Variants in ALK observed in about 807,000 individuals in gnomAD.
ALK encodes ALK tyrosine kinase receptor.
A neutral mutation model predicts 163.1 loss-of-function variants in ALK; 74 were observed. The observed-to-expected ratio is 0.45, with a 90% CI of 0.38 to 0.55. The LOEUF (loss-of-function observed/expected upper bound fraction) is 0.55, where lower values mean the gene tolerates loss of function less well. Among genes scored for constraint, ALK ranks in the 20% least tolerant of loss-of-function variants. ALK has a pLI of 0.00. For missense variants in ALK, 2,063 were observed against 2,105.3 expected, an observed-to-expected ratio of 0.98 and a Z score of 0.39; for synonymous variants, 960 against 843.2, an observed-to-expected ratio of 1.14 and a Z score of -2.40.
chr2:29,895,109 C>T (rs113569023), intron 1 of ALK, among the ~76,000 whole-genome samples: 11 of 152,312 alleles, frequency 7.2e-5, no homozygotes, highest in African/African-American at 2.6e-4. Context: ...GGTCTTAAAA[C>T]TTAATGTAGC....
At chr2:29,769,572 C>T (rs1425899953) in intron 1 of ALK, among the ~76,000 whole-genome samples, 2 of 152,144 alleles carry the variant, frequency 1.3e-5, no homozygotes, top group Admixed American at 6.5e-5. Flanking sequence ...CTGAACAGAC[C>T]TCAGGGTAGT....
chr2:29,271,498 G>A (rs1055941435), intron 11 of ALK, among the ~76,000 whole-genome samples: 3 of 152,198 alleles, frequency 2.0e-5, no homozygotes, highest in Non-Finnish European at 2.9e-5. Context: ...TGATGGTATC[G>A]CCCTTCAACC....
At chr2:29,233,728 G>GC in intron 13 of ALK, 32 bp from the exon 14 acceptor site, 1 of 1,614,008 alleles carries the variant, frequency 6.2e-7, no homozygotes, top group Non-Finnish European at 8.5e-7. Context: ...TAGGTTTGTG[G>GC]CCAAACCAGA....
chr2:29,551,879 A>G (rs1394087478), intron 3 of ALK, among the ~76,000 whole-genome samples: 1 of 152,206 alleles, frequency 6.6e-6, no homozygotes, highest in Admixed American at 6.5e-5. Flanking sequence ...AAAATGTACC[A>G]TTTTAACCAT....
At chr2:29,913,979 C>A (rs975375835) in intron 1 of ALK, among the ~76,000 whole-genome samples, 1 of 151,690 alleles carries the variant, frequency 6.6e-6, no homozygotes, top group Non-Finnish European at 1.5e-5. Context: ...AGTTAAGAAA[C>A]GTCTGCCATC....
intron 1 of ALK, among the ~76,000 whole-genome samples, chr2:29,913,255 T>C (rs555090286): frequency 6.6e-6 from 1 of 152,210 alleles, no homozygotes. Context: ...AGAATTTCCC[T>C]GGGAAAGGAC....
At chr2:29,705,652 T>C (rs140490887) in intron 2 of ALK, among the ~76,000 whole-genome samples, 5 of 152,240 alleles carry the variant, frequency 3.3e-5, no homozygotes, top group Admixed American at 6.5e-5. Context: ...GCTGTGCCAT[T>C]ACTAGCTCCA....
At chr2:29,249,504 G>C (rs546681722) in intron 12 of ALK, among the ~76,000 whole-genome samples, 25 of 152,222 alleles carry the variant, frequency 1.6e-4, no homozygotes, top group African/African-American at 5.8e-4. Flanking sequence ...ATGCCTCCCA[G>C]AGTCCAGGCA....
At chr2:29,526,996 G>A (rs1039908923) in intron 4 of ALK, among the ~76,000 whole-genome samples, 1 of 152,232 alleles carries the variant, frequency 6.6e-6, no homozygotes, top group South Asian at 2.1e-4. Context: ...GGGAGCAGGA[G>A]TCTGGGGTGG....
intron 3 of ALK, among the ~76,000 whole-genome samples, chr2:29,553,987 T>C (rs887110550): frequency 7.9e-5 from 12 of 152,234 alleles, no homozygotes; most frequent in African/African-American, 2.9e-4. Context: ...AAAGAAATTA[T>C]TCCATGTGTC....
chr2:29,880,990 G>C (rs932221431), intron 1 of ALK, among the ~76,000 whole-genome samples: 2 of 152,206 alleles, frequency 1.3e-5, no homozygotes, highest in Non-Finnish European at 2.9e-5. Context: ...GGAGCCAAGG[G>C]TGGACAGTTC....
intron 3 of ALK, among the ~76,000 whole-genome samples, chr2:29,534,490 A>G (rs1339042514): frequency 6.6e-6 from 1 of 152,142 alleles, no homozygotes; most frequent in Non-Finnish European, 1.5e-5. Context: ...GGATGAAGAC[A>G]GTCCCATGTC....
At chr2:29,809,598 GC>G (rs1469414977) in intron 1 of ALK, among the ~76,000 whole-genome samples, 1 of 152,172 alleles carries the variant, frequency 6.6e-6, no homozygotes, top group Non-Finnish European at 1.5e-5. Flanking sequence ...CTTCCTAACA[GC>G]CCTTTATCCT....
chr2:29,752,823 C>T (rs1300119802), intron 1 of ALK, among the ~76,000 whole-genome samples: 1 of 152,134 alleles, frequency 6.6e-6, no homozygotes, highest in African/African-American at 2.4e-5. Context: ...TGAGCCAGCT[C>T]TGCCAAAACT....
intron 5 of ALK, among the ~76,000 whole-genome samples, chr2:29,352,124 G>C (rs188842933): frequency 5.4e-4 from 82 of 152,286 alleles, no homozygotes; most frequent in Non-Finnish European, 1.0e-3. Flanking sequence ...TCCGCTTCAA[G>C]TTGTGCTACC....
intron 4 of ALK, among the ~76,000 whole-genome samples, chr2:29,430,779 A>C (rs1306018371): frequency 6.6e-6 from 1 of 152,260 alleles, no homozygotes; most frequent in Non-Finnish European, 1.5e-5. Context: ...TGGGGCAGGC[A>C]GAGGCCAAAT....
intron 1 of ALK, among the ~76,000 whole-genome samples, chr2:29,835,578 T>C (rs1665537473): frequency 6.6e-6 from 1 of 152,142 alleles, no homozygotes. Flanking sequence ...CAACCCAGAC[T>C]GTATGTGGAT....
intron 1 of ALK, among the ~76,000 whole-genome samples, chr2:29,828,726 A>G (rs1665274224): frequency 6.6e-6 from 1 of 152,046 alleles, no homozygotes; most frequent in African/African-American, 2.4e-5. Flanking sequence ...GGGACTGTAA[A>G]CTAGTTCAAC....
chr2:29,919,566 A>T (rs1337103473), intron 1 of ALK, among the ~76,000 whole-genome samples: 1 of 152,178 alleles, frequency 6.6e-6, no homozygotes, highest in African/African-American at 2.4e-5. Context: ...CTGAGAAGGT[A>T]CCATATTTCC....
Sources: allele counts gnomAD v4.1 joint callset (sites outside exome capture counted in the v4.1 genomes callset), GRCh38; gene constraint gnomAD v4.1.1; transcripts MANE v1.5; gene names NCBI Gene and HGNC (gene_info 2026-07-23, HGNC 2026-07-21).